PPP3CA: variants seen among roughly 807,000 people sequenced by gnomAD.
PPP3CA encodes protein phosphatase 3 catalytic subunit alpha.
In PPP3CA, 14 loss-of-function variants were observed where a neutral mutation model predicts 66.5. The ratio of observed to expected loss-of-function variants is 0.21; its 90% CI spans 0.14 to 0.33. The LOEUF (loss-of-function observed/expected upper bound fraction) is 0.33. PPP3CA is among the 10% of genes least tolerant of loss of function. The pLI is 1.00. For missense variants in PPP3CA, 317 were observed against 639.5 expected (o/e 0.50, Z 5.44); for synonymous variants, 232 against 226.2 (o/e 1.03, Z -0.23).
At chr4:101,173,332 A>T (rs1723946307) in intron 2 of PPP3CA, among the ~76,000 whole-genome samples, 1 of 152,126 alleles carries the variant, frequency 6.6e-6, no homozygotes, top group Non-Finnish European at 1.5e-5. Flanking sequence ...GCTTGGATGT[A>T]CAAAAGTTTG....
At chr4:101,127,746 CACA>C (rs1441799443) in intron 2 of PPP3CA, among the ~76,000 whole-genome samples, 1 of 152,148 alleles carries the variant, frequency 6.6e-6, no homozygotes, top group Non-Finnish European at 1.5e-5. Context: ...TATACATATG[CACA>C]ACAACAATAA....
At chr4:101,108,046 C>A (rs1721494692) in intron 3 of PPP3CA, 1 of 152,128 alleles carries the variant, frequency 6.6e-6, no homozygotes, top group South Asian at 2.1e-4. Flanking sequence ...AAGGTCTCTG[C>A]CTTTATTTTG....
In PPP3CA at chr4:101,180,308, G is replaced by A. The variant is rs571451471; in HGVS notation, c.259+15608C>T. ...CCAATTTGGCACCCATAATTAACAA[G>A]TGGGTTCTACTCATGATCTAAGAAT... is the stretch of plus-strand genomic sequence containing the variant. On this transcript the variant is annotated intron_variant, in intron 2 of 13. Coordinates refer to ENST00000394854, the MANE Select transcript of PPP3CA (RefSeq NM_000944.5). Among the ~76,000 whole-genome samples, 678 of 152,222 alleles carry A rather than the reference G, an allele frequency of 4.5e-3. 4 individuals are homozygous for A. Among genetic ancestry groups the A allele is most frequent in the Non-Finnish European group, 7.3e-3 (497 of 68,004 alleles).
At chr4:101,190,255 C>T (rs747203990) in intron 2 of PPP3CA, among the ~76,000 whole-genome samples, 46 of 152,138 alleles carry the variant, frequency 3.0e-4, no homozygotes, top group East Asian at 1.9e-4. Flanking sequence ...ATTATTACTG[C>T]CAGTGATTGT....
chr4:101,229,595 G>C (rs1254387067), intron 1 of PPP3CA, among the ~76,000 whole-genome samples: 57 of 151,594 alleles, frequency 3.8e-4, no homozygotes, highest in Non-Finnish European at 3.0e-5. Flanking sequence ...GAAACAACTA[G>C]GGAGTTTGGC....
chr4:101,101,234 T>A (rs1049605733), intron 3 of PPP3CA, among the ~76,000 whole-genome samples: 1 of 152,206 alleles, frequency 6.6e-6, no homozygotes, highest in East Asian at 1.9e-4. Flanking sequence ...TCTGTTGATG[T>A]ATGTAACGTT....
chr4:101,288,458 A>G (rs970035643), intron 1 of PPP3CA, among the ~76,000 whole-genome samples: 1 of 151,486 alleles, frequency 6.6e-6, no homozygotes, highest in Non-Finnish European at 1.5e-5. Context: ...AGTTATCTGA[A>G]TTTTCAGGCA....
chr4:101,292,905 A>C (rs935261174), intron 1 of PPP3CA, among the ~76,000 whole-genome samples: 1 of 152,252 alleles, frequency 6.6e-6, no homozygotes, highest in African/African-American at 2.4e-5. Flanking sequence ...CTTATGTACT[A>C]TATCACATAA....
intron 1 of PPP3CA, among the ~76,000 whole-genome samples, chr4:101,278,149 T>TAAAAAAAAAAAAAAAAAAA (rs1200528599): frequency 2.0e-4 from 24 of 119,524 alleles, no homozygotes; most frequent in African/African-American, 8.1e-4. Flanking sequence ...ATAAAAAAAT[T>TAAAAAAAAAAAAAAAAAAA]AAAAAGTTAT....
chr4:101,249,606 AT>A (rs1726608023), intron 1 of PPP3CA, among the ~76,000 whole-genome samples: 1 of 152,130 alleles, frequency 6.6e-6, no homozygotes, highest in African/African-American at 2.4e-5. Flanking sequence ...ATTTCCTGAC[AT>A]TTCAGTTATT....
intron 1 of PPP3CA, among the ~76,000 whole-genome samples, chr4:101,310,495 C>T (rs1728688315): frequency 6.6e-6 from 1 of 152,074 alleles, no homozygotes; most frequent in South Asian, 2.1e-4. Flanking sequence ...GTCTGGGAAA[C>T]ATAGTGAGAC....
intron 2 of PPP3CA, among the ~76,000 whole-genome samples, chr4:101,157,893 C>T (rs1723377928): frequency 7.0e-6 from 1 of 141,928 alleles, no homozygotes; most frequent in Admixed American, 7.1e-5. Flanking sequence ...AAAAAAACCT[C>T]TCAGTCTTCA....
chr4:101,058,844 T>C (rs1045627309), intron 10 of PPP3CA, among the ~76,000 whole-genome samples: 11 of 152,154 alleles, frequency 7.2e-5, no homozygotes, highest in African/African-American at 2.7e-4. Context: ...TACCTGGTAC[T>C]TAGTAGATAC....
chr4:101,231,682 T>C (rs566948475), intron 1 of PPP3CA, among the ~76,000 whole-genome samples: 8 of 151,900 alleles, frequency 5.3e-5, no homozygotes, highest in African/African-American at 1.9e-4. Flanking sequence ...TGCAAATACT[T>C]GATATTTGTC....
intron 1 of PPP3CA, among the ~76,000 whole-genome samples, chr4:101,287,723 T>C (rs961361504): frequency 4.0e-5 from 6 of 151,626 alleles, no homozygotes; most frequent in African/African-American, 1.2e-4. Context: ...TCACGTGGCA[T>C]TAAAAAGGAA....
In PPP3CA at chr4:101,140,242, T is replaced by C. The variant is rs145304815; in HGVS notation, c.260-31164A>G. Among the ~76,000 whole-genome samples, 299 of 152,340 alleles carry C rather than the reference T, an allele frequency of 2.0e-3. 4 individuals carry two copies. The highest frequency in any genetic ancestry group is 7.0e-3 in the African/African-American group (289 of 41,576). On this transcript the variant is annotated intron_variant, in intron 2 of 13. Coordinates refer to ENST00000394854, the MANE Select transcript of PPP3CA (RefSeq NM_000944.5). ...TTTTAAAGTGGAACTCATCCTATAT[T>C]TCTCTTTGCAATTTACTCTTCAAAT...
At chr4:101,058,766 C>G (rs1451843333) in intron 10 of PPP3CA, among the ~76,000 whole-genome samples, 1 of 152,110 alleles carries the variant, frequency 6.6e-6, no homozygotes, top group African/African-American at 2.4e-5. Context: ...CAGGGTTAGT[C>G]TTGGTAATGT....
chr4:101,204,517 T>C (rs1017668289), intron 1 of PPP3CA, among the ~76,000 whole-genome samples: 4 of 151,416 alleles, frequency 2.6e-5, no homozygotes, highest in Admixed American at 6.6e-5. Flanking sequence ...GCGCCTGTAG[T>C]CCCAGCTACT....
chr4:101,333,957 C>G (rs1036048124), intron 1 of PPP3CA, among the ~76,000 whole-genome samples: 1 of 152,138 alleles, frequency 6.6e-6, no homozygotes, highest in African/African-American at 2.4e-5. Flanking sequence ...CAGTGCAGAG[C>G]CACACACGCA....
Sources: gnomAD v4.1 joint callset for allele counts (sites outside exome capture counted in the v4.1 genomes callset) on GRCh38, gnomAD v4.1.1 for gene constraint, MANE v1.5 for transcripts, NCBI Gene and HGNC (gene_info 2026-07-23, HGNC 2026-07-21) for gene names.